The following PCDHGA6 variants were observed in gnomAD, a reference collection of about 807,000 sequenced individuals.
The protein encoded by PCDHGA6 is protocadherin gamma subfamily A, 6, also known as protocadherin gamma-A6.
In PCDHGA6, 41 loss-of-function variants were observed where a neutral mutation model predicts 60.6. The ratio of observed to expected loss-of-function variants is 0.68; its 90% confidence interval spans 0.53 to 0.88. The LOEUF (loss-of-function observed/expected upper bound fraction) is 0.88. Among genes scored for constraint, PCDHGA6 ranks in the 40% least tolerant of loss-of-function variants. The pLI, the probability that PCDHGA6 is intolerant of heterozygous loss-of-function variation, is 0.00. For missense variants in PCDHGA6, 1,312 were observed against 1,203.0 expected (o/e 1.09, Z -1.34); for synonymous variants, 594 against 524.4 (o/e 1.13, Z -1.81).
Position 141,491,733 on chromosome 5 carries a change from TG to T in PCDHGA6, c.2425-3069del. 6.2e-7 allele frequency: 1 copy of T among 1,602,698 alleles called. No individual in the cohort carries two copies. Among genetic ancestry groups the T allele is most frequent in the Non-Finnish European group, 8.5e-7 (1 of 1,175,258 alleles). On this transcript the variant is annotated intron_variant, in intron 1 of 3. Coordinates refer to ENST00000517434, the MANE Select transcript of PCDHGA6 (RefSeq NM_018919.3). This position sits in a 1 kb window ranked among gnomAD's most constrained non-coding sequence, Gnocchi z 6.9. ...GCTCGGCGCCGCCCCGGGCGACCCC[TG>T]GGGGCGGCACTGGAGAAGCCGCCCG...
In PCDHGA6 at chr5:141,373,930, A is replaced by G; in HGVS notation, c.-154A>G. ...AACAACAAAGCAAATTAGACGGGAA[A>G]GCAGGAAAGCTGTGCAGAAATTCTG... On this transcript the variant is annotated 5_prime_UTR_variant, in exon 1 of 4. Transcript: ENST00000517434. The G allele has an allele frequency of 1.5e-6, 1 of 675,978 alleles. No individual in the cohort carries two copies. The highest frequency in any genetic ancestry group is 2.3e-6 in the Non-Finnish European group (1 of 438,238). 41.9% of individuals were successfully genotyped at this position (675,978 alleles called of 1,614,324 possible).
rs761350249 is a variant in PCDHGA6 at position 141,418,909 on chromosome 5, G to A, written c.2424+42402G>A. Reference sequence around the variant, plus strand: ...ACAACAGCCCAGAAATAATCATCACGTCACTCTCTGATCAGATTATGGAGG... The same window carrying A: ...ACAACAGCCCAGAAATAATCATCACATCACTCTCTGATCAGATTATGGAGG... On this transcript the variant is annotated intron_variant, in intron 1 of 3. Coordinates refer to ENST00000517434, the MANE Select transcript of PCDHGA6 (RefSeq NM_018919.3). The A allele has an allele frequency of 1.9e-6, 3 of 1,613,906 alleles. No homozygotes were observed. In the Admixed American group the frequency reaches 5.0e-5, roughly 27 times the overall value.
intron 1 of PCDHGA6, among the ~76,000 whole-genome samples, chr5:141,460,577 TGTG>T (rs2098992364): frequency 6.6e-6 from 1 of 152,094 alleles, no homozygotes; most frequent in African/African-American, 2.4e-5. Context: ...CATATGTAGG[TGTG>T]GGTTTTTTCT....
At chr5:141,392,641 C>CGAA in intron 1 of PCDHGA6, 1 of 655,502 alleles carries the variant, frequency 1.5e-6, no homozygotes, top group Non-Finnish European at 2.5e-6. Flanking sequence ...TCACACCTCA[C>CGAA]GAAGACCCGC....
intron 1 of PCDHGA6, among the ~76,000 whole-genome samples, chr5:141,462,483 G>T (rs1402125086): frequency 2.0e-5 from 3 of 151,986 alleles, no homozygotes; most frequent in African/African-American, 7.3e-5. Context: ...TCTCGTGGTT[G>T]TTGTATCCTA....
intron 1 of PCDHGA6, chr5:141,405,157 G>T: frequency 6.2e-7 from 1 of 1,614,072 alleles, no homozygotes. Context: ...TGGCTGGTGT[G>T]CCCACCTCAC....
chr5:141,430,705 T>C (rs914464861), intron 1 of PCDHGA6: 3 of 1,477,958 alleles, frequency 2.0e-6, no homozygotes, highest in African/African-American at 2.8e-5. Flanking sequence ...AAGGAACTGC[T>C]CCTGACTTCA....
At chr5:141,386,498 A>G (rs961063181) in intron 1 of PCDHGA6, among the ~76,000 whole-genome samples, 2 of 135,914 alleles carry the variant, frequency 1.5e-5, no homozygotes, top group African/African-American at 5.6e-5. Context: ...TAATATAACA[A>G]GACTCTGTCT....
At chr5:141,403,655 A>T (rs1262068795) in intron 1 of PCDHGA6, 6 of 1,613,798 alleles carry the variant, frequency 3.7e-6, no homozygotes, top group Non-Finnish European at 4.2e-6. Context: ...AGTGTTGGAT[A>T]CAAATGATAA....
chr5:141,443,788 A>C (rs1468852602), intron 1 of PCDHGA6, among the ~76,000 whole-genome samples: 2 of 152,224 alleles, frequency 1.3e-5, no homozygotes, highest in African/African-American at 4.8e-5. Context: ...AGACAAAAAA[A>C]ATGAAAAGGA....
At position 141,512,047 on chromosome 5, in the gene PCDHGA6, C is replaced by T. The variant is rs1183612907; in HGVS notation, c.*874C>T. 1 of 152,722 alleles carries T rather than the reference C, an allele frequency of 6.5e-6. No individual in the cohort carries two copies. The highest frequency in any genetic ancestry group is 1.5e-5 in the Non-Finnish European group (1 of 68,120). The allele number at this position is 152,722 out of a possible 1,614,324, so 9.5% of individuals were successfully genotyped here. A position where few individuals can be genotyped will look rare whatever the true frequency, so the allele number is the denominator to read the frequency against. On this transcript the variant is annotated 3_prime_UTR_variant, in exon 4 of 4. Coordinates refer to ENST00000517434, the MANE Select transcript of PCDHGA6 (RefSeq NM_018919.3). The stretch of plus-strand genomic sequence containing the variant: ...CCTTGGAGGAGGCTCTGTATGTCCT[C>T]AGGGGACTGACAACATCCTCCAGAT...
At chr5:141,399,758 T>G in intron 1 of PCDHGA6, 1 of 1,613,334 alleles carries the variant, frequency 6.2e-7, no homozygotes, top group Non-Finnish European at 8.5e-7. Context: ...AACGTGAGCC[T>G]GCGCGTGTTG....
intron 1 of PCDHGA6, among the ~76,000 whole-genome samples, chr5:141,443,034 A>T (rs368996869): frequency 2.0e-5 from 3 of 152,172 alleles, no homozygotes; most frequent in East Asian, 3.8e-4. Context: ...CCAGACCTAA[A>T]CTTTGAAAAT....
intron 1 of PCDHGA6, chr5:141,424,576 C>CA (rs2096829154): frequency 6.6e-6 from 1 of 152,132 alleles, no homozygotes; most frequent in African/African-American, 2.4e-5. Context: ...AACCTATTTT[C>CA]AAATGTGCTA....
At chr5:141,397,943 C>T in intron 1 of PCDHGA6, 1 of 892,874 alleles carries the variant, frequency 1.1e-6, no homozygotes, top group South Asian at 1.8e-5. Flanking sequence ...GCGCGCTTTC[C>T]AGGGCAGCCC....
intron 1 of PCDHGA6, among the ~76,000 whole-genome samples, chr5:141,481,300 GA>G (rs998363845): frequency 3.3e-5 from 5 of 152,248 alleles, no homozygotes; most frequent in African/African-American, 1.2e-4. Context: ...TCATCTAAGG[GA>G]AAAACCTTCC....
At chr5:141,403,551 T>G in intron 1 of PCDHGA6, 1 of 1,613,986 alleles carries the variant, frequency 6.2e-7, no homozygotes, top group Non-Finnish European at 8.5e-7. Context: ...GAGCGCGCCC[T>G]GGACAGGGAG....
In PCDHGA6 at chr5:141,487,000, G is replaced by T. The variant is rs1410493699; in HGVS notation, c.2425-7807G>T. 2 of 1,614,076 alleles carry T rather than the reference G, an allele frequency of 1.2e-6. No homozygotes were observed. Among genetic ancestry groups the T allele is most frequent in the Non-Finnish European group, 1.7e-6 (2 of 1,180,044 alleles). On this transcript the variant is annotated intron_variant, in intron 1 of 3. Coordinates refer to ENST00000517434, the MANE Select transcript of PCDHGA6 (RefSeq NM_018919.3). The surrounding 1 kb of genome is among the most constrained non-coding windows in gnomAD (Gnocchi z 5.0). Reference sequence around the variant, plus strand: ...GTTACAATGCTTGGGTTTCCTATCAGCTCCTGGAGGCCCCAGATCCCAGCC... The same window carrying T: ...GTTACAATGCTTGGGTTTCCTATCATCTCCTGGAGGCCCCAGATCCCAGCC...
chr5:141,388,160 G>A (rs766854792), intron 1 of PCDHGA6: 9 of 1,474,272 alleles, frequency 6.1e-6, no homozygotes, highest in Non-Finnish European at 8.4e-6. Context: ...GGCTAGACAG[G>A]GAGGAGATAT....
Sources: allele counts gnomAD v4.1 joint callset (sites outside exome capture counted in the v4.1 genomes callset), GRCh38; gene constraint gnomAD v4.1.1; non-coding constraint Gnocchi (gnomAD v3.1); transcripts MANE v1.5; gene names NCBI Gene and HGNC (gene_info 2026-07-23, HGNC 2026-07-21).